STARD13: variants seen among roughly 807,000 people sequenced by gnomAD.
The protein encoded by STARD13 is StAR related lipid transfer domain containing 13.
Under a neutral mutation model 106.4 loss-of-function variants are expected in STARD13, and 62 were observed. The observed-to-expected ratio is 0.58, with a 90% confidence interval of 0.48 to 0.72. The LOEUF (loss-of-function observed/expected upper bound fraction) is 0.72, where lower values mean the gene tolerates loss of function less well. STARD13 is among the 30% of genes least tolerant of loss of function. STARD13 has a pLI of 0.00. For synonymous variants in STARD13, 565 were observed against 553.0 expected (o/e 1.02, Z -0.31); for missense variants, 1,387 against 1,424.0 (o/e 0.97, Z 0.42).
At chr13:33,232,844 C>T (rs2138216809) in intron 1 of STARD13, among the ~76,000 whole-genome samples, 1 of 152,316 alleles carries the variant, frequency 6.6e-6, no homozygotes, top group South Asian at 2.1e-4. Flanking sequence ...ATCATGATTG[C>T]TTCCTTGTTC....
rs766640158 is a variant in STARD13, at chr13:33,106,710, C to A, written c.3224+48G>T. 3.9e-5 allele frequency: 59 copies of A among 1,531,878 alleles called. No homozygotes were observed. The Admixed American group carries it at 1.0e-3, about 26-fold the overall frequency. 94.9% of individuals were successfully genotyped at this position (1,531,878 alleles called of 1,614,324 possible). Reference sequence around the variant, plus strand: ...ATCCCTGCTGGATGTGCTGTACAAGCTGAGACTCCCAAGATCTGAGCCTGC... The same window carrying A: ...ATCCCTGCTGGATGTGCTGTACAAGATGAGACTCCCAAGATCTGAGCCTGC... On this transcript the variant is annotated intron_variant, in intron 13 of 13. Transcript: ENST00000336934.
chr13:33,217,819 C>T (rs2138162653), intron 1 of STARD13, among the ~76,000 whole-genome samples: 1 of 152,310 alleles, frequency 6.6e-6, no homozygotes, highest in Admixed American at 6.5e-5. Context: ...CTCAGAGTCT[C>T]TGCTGGGGCA....
At chr13:33,511,918 C>T in the STARD13 span, among the ~76,000 whole-genome samples, 2 of 152,206 alleles carry the variant, frequency 1.3e-5, no homozygotes, top group South Asian at 4.1e-4. Context: ...ATAAAAGATG[C>T]AGAAATGCTC....
chr13:33,667,894 G>A, the STARD13 span, among the ~76,000 whole-genome samples: 3 of 152,226 alleles, frequency 2.0e-5, no homozygotes, highest in Admixed American at 6.5e-5. Context: ...ATGTGAAGGT[G>A]TAAACAGACA....
the STARD13 span, among the ~76,000 whole-genome samples, chr13:33,412,092 T>C: frequency 6.6e-6 from 1 of 152,190 alleles, no homozygotes; most frequent in Non-Finnish European, 1.5e-5. Context: ...TGTTGATGGT[T>C]GAAACAAAAC....
chr13:33,231,253 C>T (rs966191471), intron 1 of STARD13, among the ~76,000 whole-genome samples: 6 of 152,268 alleles, frequency 3.9e-5, no homozygotes, highest in Middle Eastern at 3.4e-3. Context: ...TGGCAGCCAT[C>T]GGTGCATAAG....
Position 33,129,856 on chromosome 13 carries a change from C to G in STARD13, c.821G>C (p.Arg274Thr), listed in dbSNP as rs758954878. Residue 274 changes from arginine to threonine, a missense_variant, in exon 5 of 14, where the codon AGG (arginine) becomes ACG (threonine). Coordinates refer to ENST00000336934, the MANE Select transcript of STARD13 (RefSeq NM_178006.4). ...ETLRGKGAHG[R>T]HKGSGRTGGL... Reference sequence around the variant, plus strand: ...ACCTGTCCGCCCAGACCCCTTATGCCTCCCGTGGGCTCCCTTCCCTCGGAG... The same window carrying G: ...ACCTGTCCGCCCAGACCCCTTATGCGTCCCGTGGGCTCCCTTCCCTCGGAG... The G allele has an allele frequency of 1.2e-6, 2 of 1,612,950 alleles. No individual in the cohort carries two copies. Among genetic ancestry groups the G allele is most frequent in the East Asian group, 2.2e-5 (1 of 44,868 alleles).
At chr13:33,513,692 A>T in the STARD13 span, among the ~76,000 whole-genome samples, 1 of 152,134 alleles carries the variant, frequency 6.6e-6, no homozygotes, top group African/African-American at 2.4e-5. Context: ...TTTTCATGCT[A>T]TGCCATTATG....
At chr13:33,510,865 A>C in the STARD13 span, among the ~76,000 whole-genome samples, 1 of 152,178 alleles carries the variant, frequency 6.6e-6, no homozygotes, top group Non-Finnish European at 1.5e-5. Flanking sequence ...CAATAAATAC[A>C]TTTTTGTGTA....
intron 11 of STARD13, among the ~76,000 whole-genome samples, chr13:33,110,323 G>A (rs940414215): frequency 1.3e-5 from 2 of 152,192 alleles, no homozygotes; most frequent in Non-Finnish European, 2.9e-5. Flanking sequence ...AGTGGTTACT[G>A]TGTGCCAGGA....
the STARD13 span, among the ~76,000 whole-genome samples, chr13:33,672,441 T>C: frequency 1.3e-5 from 2 of 152,128 alleles, no homozygotes; most frequent in African/African-American, 4.8e-5. Flanking sequence ...AGATAATGGG[T>C]TGACAGGTGC....
At chr13:33,578,166 G>A in the STARD13 span, among the ~76,000 whole-genome samples, 2 of 152,122 alleles carry the variant, frequency 1.3e-5, no homozygotes, top group African/African-American at 4.8e-5. Context: ...AAATTCATAT[G>A]GAATAGAAAA....
upstream of STARD13, among the ~76,000 whole-genome samples, chr13:33,351,691 A>T (rs2078080389): frequency 6.6e-6 from 1 of 152,202 alleles, no homozygotes; most frequent in Non-Finnish European, 1.5e-5. Flanking sequence ...GAATCTGCAA[A>T]ATTGCTTGAA....
the STARD13 span, among the ~76,000 whole-genome samples, chr13:33,487,852 T>A: frequency 1.3e-5 from 2 of 152,224 alleles, no homozygotes; most frequent in African/African-American, 4.8e-5. Flanking sequence ...CTTCTTCACC[T>A]TTTGCAATCT....
chr13:33,536,579 G>A, the STARD13 span, among the ~76,000 whole-genome samples: 1 of 152,120 alleles, frequency 6.6e-6, no homozygotes, highest in Non-Finnish European at 1.5e-5. Context: ...GTATATGAGA[G>A]GTGACAATAA....
the STARD13 span, among the ~76,000 whole-genome samples, chr13:33,672,159 C>T: frequency 6.6e-6 from 1 of 152,176 alleles, no homozygotes; most frequent in African/African-American, 2.4e-5. Flanking sequence ...AAATGTGGCA[C>T]ATATACCATG....
chr13:33,603,419 G>T, the STARD13 span, among the ~76,000 whole-genome samples: 346 of 152,300 alleles, frequency 2.3e-3, 2 homozygotes, highest in African/African-American at 6.6e-3. Flanking sequence ...AACTGAACAA[G>T]CTCCTAACCC....
chr13:33,258,158 A>G (rs1277744944), intron 1 of STARD13, among the ~76,000 whole-genome samples: 1 of 152,184 alleles, frequency 6.6e-6, no homozygotes, highest in East Asian at 1.9e-4. Context: ...TAGCTACACA[A>G]TTTACACAAA....
chr13:33,136,462 G>A (rs1317195723), intron 4 of STARD13, among the ~76,000 whole-genome samples: 1 of 152,226 alleles, frequency 6.6e-6, no homozygotes, highest in Non-Finnish European at 1.5e-5. Flanking sequence ...CAAACCCACA[G>A]ACTGGATTGA....
Sources: gnomAD v4.1 joint callset for allele counts (sites outside exome capture counted in the v4.1 genomes callset) on GRCh38, gnomAD v4.1.1 for gene constraint, MANE v1.5 for transcripts, NCBI Gene and HGNC (gene_info 2026-07-23, HGNC 2026-07-21) for gene names.